Variants in RBFOX1 observed in about 807,000 individuals in gnomAD.
RBFOX1 encodes RNA binding fox-1 homolog 1.
A neutral mutation model predicts 57.7 loss-of-function variants in RBFOX1; 8 were observed. That is an observed-to-expected ratio of 0.14 (90% confidence interval 0.08 to 0.25). The LOEUF is 0.25. RBFOX1 is among the 10% of genes least tolerant of loss of function. RBFOX1 has a pLI of 1.00. For missense variants in RBFOX1, 611 were observed against 548.5 expected, an observed-to-expected ratio of 1.11 and a Z score of -1.14; for synonymous variants, 326 against 222.4, an observed-to-expected ratio of 1.47 and a Z score of -4.15.
intron 5 of RBFOX1, among the ~76,000 whole-genome samples, chr16:7,551,978 G>C (rs936783927): frequency 6.6e-6 from 1 of 152,124 alleles, no homozygotes. Context: ...ATGTGCAAAG[G>C]CCGTGTGTCC....
chr16:6,957,526 G>T (rs1325763873), intron 3 of RBFOX1, among the ~76,000 whole-genome samples: 8 of 152,138 alleles, frequency 5.3e-5, no homozygotes, highest in Non-Finnish European at 4.4e-5. Context: ...GTGCTGGGGG[G>T]AGTGTAGCAG....
intron 3 of RBFOX1, among the ~76,000 whole-genome samples, chr16:5,826,138 T>TTA (rs2056042929): frequency 6.7e-6 from 1 of 148,428 alleles, no homozygotes; most frequent in South Asian, 2.1e-4. Context: ...ATATTATTCC[T>TTA]TATATATATT....
At chr16:6,607,120 G>C (rs1479169611) in intron 2 of RBFOX1, among the ~76,000 whole-genome samples, 1 of 152,158 alleles carries the variant, frequency 6.6e-6, no homozygotes, top group Non-Finnish European at 1.5e-5. Flanking sequence ...GTCCCTGAGA[G>C]TGGAAGTCAG....
chr16:5,665,743 C>T (rs1256022306), intron 3 of RBFOX1, among the ~76,000 whole-genome samples: 1 of 152,218 alleles, frequency 6.6e-6, no homozygotes, highest in Non-Finnish European at 1.5e-5. Context: ...TCCTGGAAAA[C>T]TCAGCTGCCC....
In RBFOX1 at chr16:5,252,781, C is replaced by T. The variant is rs541182542; in HGVS notation, c.219+12676C>T. ...GTGTGCAGATGGCTGCAAAGCTTTC[C>T]CCAGCTCCTTCTGCAAGGGGCCTGC... On this transcript the variant is annotated intron_variant, in intron 1 of 2. Transcript: ENST00000585867. Among the ~76,000 whole-genome samples the T allele has an allele frequency of 7.9e-5, 12 of 152,346 alleles. No homozygotes were observed. The South Asian group carries it at 2.5e-3, about 32-fold the overall frequency.
At chr16:7,331,323 G>C (rs983638329) in intron 4 of RBFOX1, among the ~76,000 whole-genome samples, 1 of 152,162 alleles carries the variant, frequency 6.6e-6, no homozygotes, top group Non-Finnish European at 1.5e-5. Context: ...GTGAGCAGTG[G>C]AATGTGGCCA....
intron 15 of RBFOX1, chr16:7,709,584 C>T (rs1234850096): frequency 3.3e-6 from 5 of 1,529,910 alleles, no homozygotes; most frequent in African/African-American, 2.7e-5. Flanking sequence ...ATCTGACTGC[C>T]TCTCCTCCCC....
chr16:7,047,262 G>C (rs1038665902), intron 3 of RBFOX1, among the ~76,000 whole-genome samples: 2 of 151,888 alleles, frequency 1.3e-5, no homozygotes, highest in East Asian at 1.9e-4. Flanking sequence ...AATTTTCTTA[G>C]TTACTTTCAT....
intron 3 of RBFOX1, among the ~76,000 whole-genome samples, chr16:5,731,405 C>G (rs2052369095): frequency 3.9e-5 from 6 of 152,052 alleles, no homozygotes; most frequent in Admixed American, 3.9e-4. Context: ...ATGCTAAAAC[C>G]CCACCTGCAG....
chr16:6,909,539 C>T (rs746903136), intron 3 of RBFOX1, among the ~76,000 whole-genome samples: 1 of 152,338 alleles, frequency 6.6e-6, no homozygotes, highest in Non-Finnish European at 1.5e-5. Flanking sequence ...TGTGTGATGG[C>T]TTTATCTCCA....
chr16:5,364,993 T>C (rs182036317), intron 1 of RBFOX1, among the ~76,000 whole-genome samples: 43 of 152,276 alleles, frequency 2.8e-4, no homozygotes, highest in African/African-American at 1.0e-3. Flanking sequence ...GTTTGGGTTC[T>C]TCAAGAAGCA....
chr16:6,271,702 G>A (rs760642588), intron 1 of RBFOX1, among the ~76,000 whole-genome samples: 1 of 152,152 alleles, frequency 6.6e-6, no homozygotes, highest in Non-Finnish European at 1.5e-5. Context: ...CAACTTAGAT[G>A]AAATGGACCA....
chr16:7,576,080 A>G (rs987498842), intron 5 of RBFOX1, among the ~76,000 whole-genome samples: 29 of 147,296 alleles, frequency 2.0e-4, no homozygotes, highest in African/African-American at 7.3e-4. Context: ...TGGCAGGCAC[A>G]TGGCCATGAT....
chr16:6,407,465 T>A (rs1479883188), intron 2 of RBFOX1, among the ~76,000 whole-genome samples: 1 of 151,890 alleles, frequency 6.6e-6, no homozygotes, highest in Non-Finnish European at 1.5e-5. Flanking sequence ...TCTATGTCTG[T>A]ATTTATACAC....
intron 3 of RBFOX1, among the ~76,000 whole-genome samples, chr16:6,935,354 C>T (rs1377749573): frequency 7.9e-5 from 12 of 152,124 alleles, no homozygotes; most frequent in Non-Finnish European, 1.5e-4. Flanking sequence ...TCATCTCCCT[C>T]CCCATGAATA....
At chr16:6,827,242 T>G (rs1476575489) in intron 3 of RBFOX1, among the ~76,000 whole-genome samples, 2 of 152,042 alleles carry the variant, frequency 1.3e-5, no homozygotes, top group Non-Finnish European at 2.9e-5. Context: ...CATTTTCTCC[T>G]AAAGTTCTTC....
intron 4 of RBFOX1, among the ~76,000 whole-genome samples, chr16:7,309,619 C>G (rs1317112857): frequency 6.6e-6 from 1 of 152,154 alleles, no homozygotes; most frequent in Non-Finnish European, 1.5e-5. Context: ...TGAGGGTAGA[C>G]AGTCTTTTTT....
At chr16:5,850,224 G>A (rs537374869) in intron 3 of RBFOX1, among the ~76,000 whole-genome samples, 1 of 152,280 alleles carries the variant, frequency 6.6e-6, no homozygotes, top group East Asian at 1.9e-4. Flanking sequence ...CTTGGCCGAA[G>A]CATGAGGGAG....
At chr16:5,316,360 T>G (rs1030880041) in intron 1 of RBFOX1, among the ~76,000 whole-genome samples, 10 of 152,358 alleles carry the variant, frequency 6.6e-5, no homozygotes, top group Non-Finnish European at 1.5e-4. Context: ...TGCTCAACTG[T>G]GTGCCTGTGT....
Sources: allele counts gnomAD v4.1 joint callset (sites outside exome capture counted in the v4.1 genomes callset), GRCh38; gene constraint gnomAD v4.1.1; transcripts MANE v1.5; gene names NCBI Gene and HGNC (gene_info 2026-07-23, HGNC 2026-07-21).